Variants in SYNPR observed in about 807,000 individuals in gnomAD.
The protein encoded by SYNPR is synaptoporin.
Under a neutral mutation model 32.9 loss-of-function variants are expected in SYNPR, and 23 were observed. That is an observed-to-expected ratio of 0.70 (90% CI 0.50 to 0.99). The LOEUF (loss-of-function observed/expected upper bound fraction) is 0.99, where lower values mean the gene tolerates loss of function less well. Ranked by LOEUF, SYNPR falls within the 50% of genes least tolerant of loss-of-function variation. The pLI, the probability that SYNPR is intolerant of heterozygous loss-of-function variation, is 0.00. For synonymous variants in SYNPR, 146 were observed against 135.9 expected (o/e 1.07, Z -0.52); for missense variants, 318 against 349.3 (o/e 0.91, Z 0.71).
At chr3:63,312,448 GT>G (rs1251629214) in intron 2 of SYNPR, among the ~76,000 whole-genome samples, 4 of 151,826 alleles carry the variant, frequency 2.6e-5, no homozygotes, top group African/African-American at 9.7e-5. Context: ...TCTTTCCCTA[GT>G]TTTTCAGTGG....
At chr3:63,576,136 A>T (rs1702975757) in intron 4 of SYNPR, among the ~76,000 whole-genome samples, 1 of 152,190 alleles carries the variant, frequency 6.6e-6, no homozygotes, top group African/African-American at 2.4e-5. Context: ...ACTAGATTTT[A>T]AAAAGACCCT....
chr3:63,331,128 A>G (rs559463766), intron 2 of SYNPR, among the ~76,000 whole-genome samples: 3 of 152,206 alleles, frequency 2.0e-5, no homozygotes, highest in Non-Finnish European at 4.4e-5. Context: ...TGCCTAGGAC[A>G]GACATCACTA....
intron 2 of SYNPR, among the ~76,000 whole-genome samples, chr3:63,317,131 G>A (rs992385571): frequency 6.6e-5 from 10 of 151,808 alleles, no homozygotes; most frequent in Non-Finnish European, 1.3e-4. Flanking sequence ...TAAATGTATT[G>A]TGGCTCATTT....
At chr3:63,268,395 C>A (rs1000322933) in intron 3 of SYNPR, among the ~76,000 whole-genome samples, 3 of 152,134 alleles carry the variant, frequency 2.0e-5, no homozygotes, top group African/African-American at 4.8e-5. Context: ...ATTGACCCCC[C>A]ACCAAAACTC....
intron 2 of SYNPR, among the ~76,000 whole-genome samples, chr3:63,332,515 TACTC>T (rs1350016349): frequency 2.0e-5 from 3 of 152,194 alleles, no homozygotes; most frequent in Non-Finnish European, 2.9e-5. Flanking sequence ...ACAGACTACT[TACTC>T]AGTATATTTA....
chr3:63,448,288 G>C (rs982586390), intron 2 of SYNPR, among the ~76,000 whole-genome samples: 1 of 152,186 alleles, frequency 6.6e-6, no homozygotes, highest in African/African-American at 2.4e-5. Flanking sequence ...ACAGGCCTGA[G>C]CCATCATTCC....
chr3:63,203,502 C>T, the SYNPR span: 6 of 152,112 alleles, frequency 3.9e-5, no homozygotes, highest in Non-Finnish European at 7.3e-5. Flanking sequence ...ATTCCTCACC[C>T]GAGTGCTGAA....
upstream of SYNPR, among the ~76,000 whole-genome samples, chr3:63,223,940 T>C (rs2086111157): frequency 6.6e-6 from 1 of 152,222 alleles, no homozygotes. Context: ...TGGTAGAGGC[T>C]CCATGTATCT....
rs557638527 is a variant in SYNPR at position 63,316,309 on chromosome 3, G to C, written c.84+37567G>C. ...TTGTGGAAGAGTGTTAAAAGGATTG[G>C]TGCCAATTCTTCTTTGAATGTCTGG... On this transcript the variant is annotated intron_variant, in intron 2 of 5. Transcript: ENST00000478300. 2.6e-5 allele frequency among the ~76,000 whole-genome samples: 4 copies of C among 152,026 alleles called. No individual in the cohort carries two copies. In the East Asian group the frequency reaches 7.8e-4, roughly 30 times the overall value.
At chr3:63,483,192 C>T (rs145252867) in intron 3 of SYNPR, among the ~76,000 whole-genome samples, 1,913 of 152,248 alleles carry the variant, frequency 0.013, 20 homozygotes, top group Non-Finnish European at 0.018. Flanking sequence ...ATGATGTGCA[C>T]TGCAGTGTTG....
At chr3:63,542,228 A>G (rs1293222816) in intron 3 of SYNPR, among the ~76,000 whole-genome samples, 1 of 152,126 alleles carries the variant, frequency 6.6e-6, no homozygotes, top group Non-Finnish European at 1.5e-5. Flanking sequence ...TTGAGTATAC[A>G]TGCCTTAGAT....
chr3:63,517,752 C>G lies in SYNPR; in HGVS notation c.209+36796C>G, dbSNP rs140714352. The stretch of plus-strand genomic sequence containing the variant: ...AACATAGAGGTTATAGGTCACACTT[C>G]GTTTATCTGAATGAGGTCAGAAGGG... On this transcript the variant is annotated intron_variant, in intron 3 of 5. Transcript: ENST00000478300. Among the ~76,000 whole-genome samples, 184 of 152,208 alleles carry G rather than the reference C, an allele frequency of 1.2e-3. 1 individual carries two copies. The highest frequency in any genetic ancestry group is 4.0e-3 in the African/African-American group (165 of 41,560).
rs188788270 is a variant in SYNPR at position 63,334,706 on chromosome 3, G to A, written c.84+55964G>A. Among the ~76,000 whole-genome samples the A allele has an allele frequency of 3.3e-3, 509 of 152,286 alleles. 1 individual carries two copies. The highest frequency in any genetic ancestry group is 0.014 in the South Asian group (66 of 4,824). On this transcript the variant is annotated intron_variant, in intron 2 of 5. Transcript: ENST00000478300. ...TCTTTTGAATCTTGGGTACATTGGCGATTGATATTTTCCTACAGCCTCTCC... is the reference window on the plus strand; with the variant it reads ...TCTTTTGAATCTTGGGTACATTGGCAATTGATATTTTCCTACAGCCTCTCC...
At chr3:63,479,353 C>T (rs1403576847) in intron 2 of SYNPR, among the ~76,000 whole-genome samples, 2 of 152,118 alleles carry the variant, frequency 1.3e-5, no homozygotes, top group Non-Finnish European at 2.9e-5. Context: ...ACACATTTTA[C>T]TCTTACTACA....
intron 2 of SYNPR, among the ~76,000 whole-genome samples, chr3:63,258,353 G>C (rs1337363981): frequency 6.6e-6 from 1 of 152,182 alleles, no homozygotes; most frequent in Admixed American, 6.5e-5. Context: ...TAAAAGAACA[G>C]AAATTATGAC....
intron 2 of SYNPR, among the ~76,000 whole-genome samples, chr3:63,377,267 T>C (rs1428430957): frequency 1.3e-5 from 2 of 152,166 alleles, no homozygotes; most frequent in African/African-American, 2.4e-5. Flanking sequence ...CTTAACAGGA[T>C]GTGGCATTTT....
chr3:63,321,992 C>T (rs2087115800), intron 2 of SYNPR, among the ~76,000 whole-genome samples: 1 of 152,004 alleles, frequency 6.6e-6, no homozygotes, highest in Admixed American at 6.6e-5. Flanking sequence ...GGGTGTTTAC[C>T]ACTCTTCTGT....
chr3:63,350,213 T>TACACAC lies in SYNPR; in HGVS notation c.84+71495_84+71500dup, dbSNP rs67609911. Among the ~76,000 whole-genome samples, 284 of 144,822 alleles carry TACACAC rather than the reference T, an allele frequency of 2.0e-3. 3 individuals are homozygous for TACACAC. The highest frequency in any genetic ancestry group is 0.011 in the Middle Eastern group (3 of 280). ...AAACAGGTAGAGGTTAATATTATTCTACACACACACACACACACACACACA... is the reference window on the plus strand; with the variant it reads ...AAACAGGTAGAGGTTAATATTATTCTACACACACACACACACACACACACACACACA... On this transcript the variant is annotated intron_variant, in intron 2 of 5. Transcript: ENST00000478300.
chr3:63,402,399 G>A (rs547565117), intron 2 of SYNPR, among the ~76,000 whole-genome samples: 1 of 152,258 alleles, frequency 6.6e-6, no homozygotes, highest in Non-Finnish European at 1.5e-5. Context: ...AAAATCAGAG[G>A]ATAGAAATTC....
Sources: allele counts gnomAD v4.1 joint callset (sites outside exome capture counted in the v4.1 genomes callset), GRCh38; gene constraint gnomAD v4.1.1; transcripts MANE v1.5; gene names NCBI Gene and HGNC (gene_info 2026-07-23, HGNC 2026-07-21).